The following CYP39A1 variants were observed in gnomAD, a reference collection of about 807,000 sequenced individuals.
CYP39A1 encodes the protein 24-hydroxycholesterol 7-alpha-hydroxylase.
In CYP39A1, 49 loss-of-function variants were observed where a neutral mutation model predicts 58.1. The observed-to-expected ratio is 0.84, with a 90% CI of 0.67 to 1.07. The LOEUF is 1.07. CYP39A1 is among the 50% of genes least tolerant of loss of function. The pLI, the probability that CYP39A1 is intolerant of heterozygous loss-of-function variation, is 0.00. For missense variants in CYP39A1, 531 were observed against 539.4 expected (o/e 0.98, Z 0.16); for synonymous variants, 209 against 187.6 (o/e 1.11, Z -0.93).
At chr6:46,595,862 T>C in intron 8 of CYP39A1, 125 bp downstream of exon 8, 1 of 944,272 alleles carries the variant, frequency 1.1e-6, no homozygotes, top group South Asian at 1.6e-5. Flanking sequence ...ACAAGACAAA[T>C]ATATAAAATA....
At chr6:46,639,328 T>C (rs1490685570) in intron 3 of CYP39A1, among the ~76,000 whole-genome samples, 166 bp downstream of exon 3, 1 of 121,666 alleles carries the variant, frequency 8.2e-6, no homozygotes, top group Non-Finnish European at 1.8e-5. Flanking sequence ...AGAGCGAGAC[T>C]CTATCTCAAA....
At chr6:46,559,119 A>T (rs754615012) in intron 10 of CYP39A1, among the ~76,000 whole-genome samples, 1 of 152,130 alleles carries the variant, frequency 6.6e-6, no homozygotes, top group Non-Finnish European at 1.5e-5. Context: ...ATATTTGGGC[A>T]GGTCTTAAGG....
At chr6:46,559,343 C>G (rs1442582871) in intron 10 of CYP39A1, among the ~76,000 whole-genome samples, 6 of 152,024 alleles carry the variant, frequency 3.9e-5, no homozygotes, top group Non-Finnish European at 7.4e-5. Flanking sequence ...GACTATTTTG[C>G]AAAAGAGACA....
Position 46,637,962 on chromosome 6 carries a change from C to G in CYP39A1, c.505G>C (p.Val169Leu). Reference protein sequence around the residue: ...NNLVRHLLYPVTVNMLFNKSL... With the variant: ...NNLVRHLLYPLTVNMLFNKSL... ...TTATTAAAGAGCATATTCACTGTGA[C>G]TGGATAAAGGAGATGTCTACAAAGA... Residue 169 changes from valine to leucine, a missense_variant, in exon 4 of 12, where the codon GTC (valine) becomes CTC (leucine). Coordinates refer to ENST00000275016, the MANE Select transcript of CYP39A1 (RefSeq NM_016593.5). 2 of 1,610,336 alleles carry G rather than the reference C, an allele frequency of 1.2e-6. No individual in the cohort carries two copies. Among genetic ancestry groups the G allele is most frequent in the Non-Finnish European group, 1.7e-6 (2 of 1,179,196 alleles).
chr6:46,592,384 C>T (rs1030631377), intron 8 of CYP39A1, among the ~76,000 whole-genome samples: 6 of 152,062 alleles, frequency 3.9e-5, no homozygotes, highest in Admixed American at 3.3e-4. Context: ...GGGAACATAT[C>T]GTTAAACTTC....
Position 46,601,198 on chromosome 6 carries a change from G to A in CYP39A1, c.932-5078C>T, listed in dbSNP as rs190949707. Reference sequence around the variant, plus strand: ...TCCCTTTAACTCCCTTAAACAATCAGCAAAATTTGTTTTTATTTGCAAACT... The same window carrying A: ...TCCCTTTAACTCCCTTAAACAATCAACAAAATTTGTTTTTATTTGCAAACT... On this transcript the variant is annotated intron_variant, in intron 7 of 11. Coordinates refer to ENST00000275016, the MANE Select transcript of CYP39A1 (RefSeq NM_016593.5). Among the ~76,000 whole-genome samples the A allele has an allele frequency of 5.0e-4, 75 of 149,392 alleles. 1 individual carries two copies. In the East Asian group the frequency reaches 0.014, roughly 28 times the overall value.
intron 8 of CYP39A1, among the ~76,000 whole-genome samples, chr6:46,594,220 T>C (rs1217419268): frequency 1.3e-5 from 2 of 152,152 alleles, no homozygotes; most frequent in African/African-American, 2.4e-5. Flanking sequence ...TAATGAAACA[T>C]TGCTACACAA....
intron 10 of CYP39A1, among the ~76,000 whole-genome samples, chr6:46,556,219 G>A (rs972754644): frequency 3.3e-5 from 5 of 152,138 alleles, no homozygotes; most frequent in Non-Finnish European, 5.9e-5. Context: ...AGAATGAGAC[G>A]AAACCCATGA....
At chr6:46,587,664 G>A (rs737011) in intron 9 of CYP39A1, among the ~76,000 whole-genome samples, 59,266 of 151,882 alleles carry the variant, frequency 0.39, 14,430 homozygotes, top group African/African-American at 0.69. Flanking sequence ...AGCAGATCAC[G>A]GTTTTAATTT....
chr6:46,607,464 T>TACACAC (rs3839568), intron 7 of CYP39A1, among the ~76,000 whole-genome samples: 3,293 of 145,566 alleles, frequency 0.023, 108 homozygotes, highest in African/African-American at 0.073. Context: ...CCCTTCCCCC[T>TACACAC]ACACACACAC....
intron 7 of CYP39A1, among the ~76,000 whole-genome samples, chr6:46,605,347 C>T (rs960855309): frequency 2.0e-5 from 3 of 152,100 alleles, no homozygotes; most frequent in African/African-American, 7.2e-5. Context: ...AGAGAGAGGG[C>T]CCAGCTTCAA....
chr6:46,558,654 A>G (rs1328689296), intron 10 of CYP39A1, among the ~76,000 whole-genome samples: 1 of 152,144 alleles, frequency 6.6e-6, no homozygotes, highest in Non-Finnish European at 1.5e-5. Flanking sequence ...CTGGGGGTAA[A>G]TATTTAATTT....
chr6:46,645,659 G>T (rs1411827976), intron 1 of CYP39A1, among the ~76,000 whole-genome samples: 1 of 151,874 alleles, frequency 6.6e-6, no homozygotes, highest in African/African-American at 2.4e-5. Context: ...TAGTTTCTTT[G>T]TCTTTCCATA....
At chr6:46,643,618 A>T (rs946228060) in intron 1 of CYP39A1, among the ~76,000 whole-genome samples, 2 of 152,236 alleles carry the variant, frequency 1.3e-5, no homozygotes, top group African/African-American at 4.8e-5. Context: ...TTTTTGTAAC[A>T]TCTATAAGCA....
intron 11 of CYP39A1, among the ~76,000 whole-genome samples, chr6:46,552,712 T>C (rs1466502560): frequency 6.6e-6 from 1 of 152,140 alleles, no homozygotes; most frequent in Non-Finnish European, 1.5e-5. Flanking sequence ...CTTCCTTTTA[T>C]TTCTTACAAC....
chr6:46,565,617 C>T (rs1027421324), intron 10 of CYP39A1, among the ~76,000 whole-genome samples: 2 of 152,046 alleles, frequency 1.3e-5, no homozygotes, highest in African/African-American at 4.8e-5. Flanking sequence ...GCCATGGACC[C>T]CCAGGATGAA....
At chr6:46,557,576 G>A (rs1026264878) in intron 10 of CYP39A1, among the ~76,000 whole-genome samples, 11 of 150,608 alleles carry the variant, frequency 7.3e-5, no homozygotes, top group African/African-American at 2.5e-4. Context: ...CAGGGAGGAG[G>A]AGGTTGCACG....
intron 10 of CYP39A1, among the ~76,000 whole-genome samples, chr6:46,559,772 T>A (rs1331726761): frequency 6.6e-6 from 1 of 152,192 alleles, no homozygotes; most frequent in African/African-American, 2.4e-5. Flanking sequence ...CTTTTCTCTC[T>A]TCTCCTTTGA....
At chr6:46,610,665 T>G (rs1774161784) in intron 7 of CYP39A1, among the ~76,000 whole-genome samples, 1 of 152,124 alleles carries the variant, frequency 6.6e-6, no homozygotes, top group South Asian at 2.1e-4. Flanking sequence ...TAATTTTTAT[T>G]TATAATCACA....
Sources: gnomAD v4.1 joint callset for allele counts (sites outside exome capture counted in the v4.1 genomes callset) on GRCh38, gnomAD v4.1.1 for gene constraint, MANE v1.5 for transcripts, NCBI Gene and HGNC (gene_info 2026-07-23, HGNC 2026-07-21) for gene names.